Variants in PLEKHH1 observed in about 807,000 individuals in gnomAD.
PLEKHH1 encodes the protein pleckstrin homology, MyTH4 and FERM domain containing H1, also known as pleckstrin homology domain-containing family H member 1.
In PLEKHH1, 104 loss-of-function variants were observed where a neutral mutation model predicts 160.0. The ratio of observed to expected loss-of-function variants is 0.65; its 90% CI spans 0.55 to 0.76. The LOEUF is 0.76. Ranked by LOEUF, PLEKHH1 falls within the 30% of genes least tolerant of loss-of-function variation. The probability of loss-of-function intolerance (pLI) is 0.00; values close to 1 mark genes in which losing one functional copy is unlikely to be tolerated. For missense variants in PLEKHH1, 1,427 were observed against 1,724.1 expected (o/e 0.83, Z 3.05); for synonymous variants, 619 against 678.4 (o/e 0.91, Z 1.36).
chr14:67,547,234 G>A (rs1461116553), intron 2 of PLEKHH1, among the ~76,000 whole-genome samples: 1 of 152,164 alleles, frequency 6.6e-6, no homozygotes, highest in African/African-American at 2.4e-5. Context: ...CTGGACTAGG[G>A]ACCATGGGGT....
chr14:67,539,689 A>G (rs937065926), intron 1 of PLEKHH1, among the ~76,000 whole-genome samples: 1 of 151,770 alleles, frequency 6.6e-6, no homozygotes, highest in African/African-American at 2.4e-5. Context: ...TTTTTTTTGG[A>G]TGGGTAAAGA....
In PLEKHH1 at chr14:67,535,258, A is replaced by G. The variant is rs189066298; in HGVS notation, c.-35+1860A>G. Among the ~76,000 whole-genome samples, 479 of 152,236 alleles carry G rather than the reference A, an allele frequency of 3.1e-3. 2 individuals are homozygous for G. Among genetic ancestry groups the G allele is most frequent in the Non-Finnish European group, 4.1e-3 (279 of 68,008 alleles). On this transcript the variant is annotated intron_variant, in intron 1 of 28. Coordinates refer to ENST00000329153, the MANE Select transcript of PLEKHH1 (RefSeq NM_020715.3). ...ACTATGGCTGAAGTACAGGCATGGGAAGAAGCCTTACTTTGCACTATATAC... is the reference window on the plus strand; with the variant it reads ...ACTATGGCTGAAGTACAGGCATGGGGAGAAGCCTTACTTTGCACTATATAC...
At position 67,557,271 on chromosome 14, in the gene PLEKHH1, G is replaced by C; in HGVS notation, c.192G>C (p.Val64=). Residue 64 remains valine (V), a splice_region_variant and synonymous_variant, in exon 4 of 29, where the codon GTG becomes GTC. Transcript: ENST00000329153. The part of the protein sequence containing the change: ...EQRAENAETQ[V]GVMEEKVKLS... The stretch of plus-strand genomic sequence containing the variant: ...TATGAGATCATTGTACTTTTCAGGT[G>C]GGTGTCATGGAAGAGAAGGTAAAAC... 6.2e-7 allele frequency: 1 copy of C among 1,613,410 alleles called. No homozygotes were observed. The highest frequency in any genetic ancestry group is 1.1e-5 in the South Asian group (1 of 90,998).
chr14:67,543,975 G>A lies in PLEKHH1; in HGVS notation c.126+1982G>A, dbSNP rs546885844. ...GTGGTGTGTGACTGGCCTCCCTAGA[G>A]TAATGTAAGGTTTGAAGTTAGAGTT... On this transcript the variant is annotated intron_variant, in intron 2 of 28. Coordinates refer to ENST00000329153, the MANE Select transcript of PLEKHH1 (RefSeq NM_020715.3). Among the ~76,000 whole-genome samples the A allele has an allele frequency of 3.3e-5, 5 of 152,280 alleles. No individual in the cohort carries two copies. In the South Asian group the frequency reaches 1.0e-3, roughly 32 times the overall value.
At chr14:67,569,824 T>C in intron 8 of PLEKHH1, 97 bp from the exon 9 acceptor site, 3 of 772,922 alleles carry the variant, frequency 3.9e-6, no homozygotes, top group Non-Finnish European at 6.8e-6. Flanking sequence ...ACTGGCCTGC[T>C]CCTGGAGGGA....
chr14:67,552,174 C>T (rs773508598), intron 2 of PLEKHH1, among the ~76,000 whole-genome samples: 7 of 152,208 alleles, frequency 4.6e-5, no homozygotes, highest in Non-Finnish European at 1.0e-4. Context: ...AGATCCCTGT[C>T]AGCCACCTAA....
In PLEKHH1 at chr14:67,585,666, T is replaced by G; in HGVS notation, c.3786+12T>G. On this transcript the variant is annotated intron_variant, in intron 27 of 28. Transcript: ENST00000329153. ...ACCACAACACTATGGTATGAAAGGA[T>G]GCAGGCTGCTCCCTGACCCCTCCTC... 1 of 1,523,770 alleles carries G rather than the reference T, an allele frequency of 6.6e-7. No individual in the cohort carries two copies. The highest frequency in any genetic ancestry group is 1.4e-5 in the African/African-American group (1 of 72,856). The allele number at this position is 1,523,770 out of a possible 1,614,324, so 94.4% of individuals were successfully genotyped here.
At position 67,573,507 on chromosome 14, in the gene PLEKHH1, T is replaced by TG; in HGVS notation, c.1839+125dup. On this transcript the variant is annotated intron_variant, in intron 12 of 28. Coordinates refer to ENST00000329153, the MANE Select transcript of PLEKHH1 (RefSeq NM_020715.3). The surrounding 1 kb of genome is among the most constrained non-coding windows in gnomAD (Gnocchi z 4.8). Reference sequence around the variant, plus strand: ...GGCCAGAGGGCAAAGGTCTGGCAGGTGGGGAGAGGCAACCTCACTGGGCCC... The same window carrying TG: ...GGCCAGAGGGCAAAGGTCTGGCAGGTGGGGGAGAGGCAACCTCACTGGGCCC... 1 of 708,230 alleles carries TG rather than the reference T, an allele frequency of 1.4e-6. No homozygotes were observed. Among genetic ancestry groups the TG allele is most frequent in the South Asian group, 1.8e-5 (1 of 55,484 alleles). The allele number at this position is 708,230 out of a possible 1,614,324, so 43.9% of individuals were successfully genotyped here.
At chr14:67,550,973 G>A (rs2034370139) in intron 2 of PLEKHH1, among the ~76,000 whole-genome samples, 1 of 152,206 alleles carries the variant, frequency 6.6e-6, no homozygotes, top group South Asian at 2.1e-4. Flanking sequence ...TGCATGTACA[G>A]TGCTTATGAC....
rs142532421 is a variant in PLEKHH1, at chr14:67,574,398, A to G, written c.2083A>G (p.Thr695Ala). The change falls in exon 14 of 29, where the codon ACC (threonine) becomes GCC (alanine). Residue 695 changes from threonine to alanine, a missense_variant. By Grantham distance (58) the Thr-to-Ala change is moderately conservative. Coordinates refer to ENST00000329153, the MANE Select transcript of PLEKHH1 (RefSeq NM_020715.3). This position sits in a 1 kb window ranked among gnomAD's most constrained non-coding sequence, Gnocchi z 4.2. Reference sequence around the variant, plus strand: ...CAAGCCCACCGTGAAGGGCTGGCTGACCAAGGTAGAGGGTGGGGCTGATAG... The same window carrying G: ...CAAGCCCACCGTGAAGGGCTGGCTGGCCAAGGTAGAGGGTGGGGCTGATAG... ...GTKPTVKGWL[T>A]KVKHGHSKVV... The G allele has an allele frequency of 6.4e-6, 10 of 1,568,586 alleles. No individual in the cohort carries two copies. Among genetic ancestry groups the G allele is most frequent in the Non-Finnish European group, 3.5e-6 (4 of 1,158,060 alleles).
rs80158963 is a variant in PLEKHH1, at chr14:67,574,104, G to A, written c.1927-138G>A. ...AGAGACAGGGAGGAAAAGATGAGGA[G>A]GAAAAGAAAGGAGGGAGCACTAGGG... On this transcript the variant is annotated intron_variant, in intron 13 of 28. Coordinates refer to ENST00000329153, the MANE Select transcript of PLEKHH1 (RefSeq NM_020715.3). The surrounding 1 kb of genome is among the most constrained non-coding windows in gnomAD (Gnocchi z 4.2). 9.4e-3 allele frequency: 7,043 copies of A among 747,980 alleles called. 174 individuals carry two copies. Among genetic ancestry groups the A allele is most frequent in the African/African-American group, 0.074 (4,174 of 56,498 alleles). 46.3% of individuals were successfully genotyped at this position (747,980 alleles called of 1,614,324 possible).
intron 1 of PLEKHH1, among the ~76,000 whole-genome samples, chr14:67,540,250 T>TA (rs1373868494): frequency 6.6e-6 from 1 of 152,228 alleles, no homozygotes; most frequent in Non-Finnish European, 1.5e-5. Context: ...ACTTACCTCT[T>TA]ACCTTGAAGT....
chr14:67,560,515 ACTAACTTCC>A (rs1028316426), intron 5 of PLEKHH1, among the ~76,000 whole-genome samples: 6 of 152,282 alleles, frequency 3.9e-5, no homozygotes, highest in South Asian at 4.1e-4. Flanking sequence ...CCTGCTAAAC[ACTAACTTCC>A]CATTCTCTCT....
Position 67,574,228 on chromosome 14 carries a change from C to A in PLEKHH1, c.1927-14C>A, listed in dbSNP as rs2035517597. 1 of 1,578,572 alleles carries A rather than the reference C, an allele frequency of 6.3e-7. No individual in the cohort carries two copies. Among genetic ancestry groups the A allele is most frequent in the African/African-American group, 1.4e-5 (1 of 74,016 alleles). ...CCAGCGTGCTGCCCCACCCCCATAT[C>A]TCGCCCTCCACAGCTCATCTCTGAG... On this transcript the variant is annotated splice_polypyrimidine_tract_variant and intron_variant, in intron 13 of 28. Transcript: ENST00000329153. The surrounding 1 kb of genome is among the most constrained non-coding windows in gnomAD (Gnocchi z 4.2).
rs759789094 is a variant in PLEKHH1 at position 67,582,144 on chromosome 14, G to A, written c.3360G>A (p.Glu1120=). ...TCCTTGCCTCTCAAACCAGTAGAGA[G>A]ATAGTGGCAGGGAGGTTTCCTATCA... ...RLLLASQTSR[E]IVAGRFPINK... is the part of the protein sequence containing the mutation. Residue 1120 remains glutamate (E), a synonymous_variant, in exon 24 of 29, where the codon GAG becomes GAA. Transcript: ENST00000329153. This position sits in a 1 kb window ranked among gnomAD's most constrained non-coding sequence, Gnocchi z 5.0. 6.2e-7 allele frequency: 1 copy of A among 1,613,810 alleles called. No homozygotes were observed. Among genetic ancestry groups the A allele is most frequent in the South Asian group, 1.1e-5 (1 of 91,040 alleles).
chr14:67,575,560 C>A, intron 15 of PLEKHH1, 88 bp downstream of exon 15: 1 of 823,676 alleles, frequency 1.2e-6, no homozygotes, highest in South Asian at 1.4e-5. Flanking sequence ...AAGTCCCTAC[C>A]CCACGTAACC....
At chr14:67,569,258 T>C in intron 8 of PLEKHH1, 42 bp downstream of exon 8, 1 of 1,403,684 alleles carries the variant, frequency 7.1e-7, no homozygotes, top group Non-Finnish European at 1.0e-6. Flanking sequence ...ACACCCAAGG[T>C]GGGCAGGGTG....
At chr14:67,571,722 G>A (rs759648211) in intron 9 of PLEKHH1, 30 bp from the exon 10 acceptor site, 88 of 1,603,612 alleles carry the variant, frequency 5.5e-5, no homozygotes, top group Non-Finnish European at 7.3e-5. Context: ...TGCAGCCTGA[G>A]CTGCAGTGAG....
At chr14:67,577,692 A>T (rs1028996097) in intron 18 of PLEKHH1, among the ~76,000 whole-genome samples, 2 of 152,162 alleles carry the variant, frequency 1.3e-5, no homozygotes, top group Non-Finnish European at 2.9e-5. Context: ...GGCGAGGTTT[A>T]TGTTGCTTCT....
Sources: gnomAD v4.1 joint callset for allele counts (sites outside exome capture counted in the v4.1 genomes callset) on GRCh38, gnomAD v4.1.1 for gene constraint, Gnocchi (gnomAD v3.1) non-coding constraint, MANE v1.5 for transcripts, NCBI Gene and HGNC (gene_info 2026-07-23, HGNC 2026-07-21) for gene names.